BTRC: variants seen among roughly 807,000 people sequenced by gnomAD.
BTRC encodes F-box/WD repeat-containing protein 1A.
In BTRC, 42 loss-of-function variants were observed where a neutral mutation model predicts 85.5. The ratio of observed to expected loss-of-function variants is 0.49; its 90% CI spans 0.38 to 0.64. The LOEUF (loss-of-function observed/expected upper bound fraction) is 0.64. Ranked by LOEUF, BTRC falls within the 30% of genes least tolerant of loss-of-function variation. The pLI is 0.00. For missense variants in BTRC, 594 were observed against 743.5 expected, an observed-to-expected ratio of 0.80 and a Z score of 2.34; for synonymous variants, 255 against 263.3, an observed-to-expected ratio of 0.97 and a Z score of 0.30.
chr10:101,356,947 G>T (rs1287539791), intron 1 of BTRC, among the ~76,000 whole-genome samples: 1 of 151,930 alleles, frequency 6.6e-6, no homozygotes, highest in Non-Finnish European at 1.5e-5. Context: ...TGGCTAACAT[G>T]GTGAAACTCC....
chr10:101,501,157 C>T (rs1056099292), intron 4 of BTRC, among the ~76,000 whole-genome samples: 12 of 149,598 alleles, frequency 8.0e-5, no homozygotes, highest in Non-Finnish European at 1.8e-4. Flanking sequence ...CACTGCACTC[C>T]AGCCTGGGCA....
chr10:101,367,217 C>T (rs1046872593), intron 1 of BTRC, among the ~76,000 whole-genome samples: 1 of 148,252 alleles, frequency 6.7e-6, no homozygotes, highest in Admixed American at 7.0e-5. Flanking sequence ...ACTACATGCG[C>T]GCACCACCAC....
intron 2 of BTRC, among the ~76,000 whole-genome samples, chr10:101,440,423 T>C (rs1944649953): frequency 6.6e-6 from 1 of 152,174 alleles, no homozygotes; most frequent in South Asian, 2.1e-4. Context: ...AGAGTTTGTA[T>C]TGAAAGTTCC....
chr10:101,435,077 G>A (rs775774044), intron 2 of BTRC, among the ~76,000 whole-genome samples: 3 of 152,002 alleles, frequency 2.0e-5, no homozygotes, highest in Non-Finnish European at 4.4e-5. Flanking sequence ...GCAGAAACTG[G>A]ATTTGAATCT....
chr10:101,532,992 C>G lies in BTRC; in HGVS notation c.1019C>G (p.Thr340Arg). ...ACATTGGAATGCAAGCGAATTCTCA[C>G]AGGCCATACAGGTTCAGTCCTCTGT... is the stretch of plus-strand genomic sequence containing the variant. ...KNTLECKRIL[T>R]GHTGSVLCLQ... Residue 340 changes from threonine to arginine, a missense_variant, in exon 9 of 15, where the codon ACA becomes AGA. Thr to Arg is a moderately conservative substitution (Grantham distance 71). Transcript: ENST00000370187. 1 of 1,613,460 alleles carries G rather than the reference C, an allele frequency of 6.2e-7. No individual in the cohort carries two copies.
intron 4 of BTRC, among the ~76,000 whole-genome samples, chr10:101,509,657 A>T (rs1393887584): frequency 4.7e-5 from 7 of 149,210 alleles, no homozygotes; most frequent in Non-Finnish European, 1.0e-4. Context: ...GGCTCAAGTA[A>T]TCCTCCCACC....
chr10:101,470,997 G>T (rs974573040), intron 3 of BTRC, among the ~76,000 whole-genome samples: 1 of 152,102 alleles, frequency 6.6e-6, no homozygotes, highest in Admixed American at 6.6e-5. Context: ...AGTGCCTAAG[G>T]TACTGACCCA....
At chr10:101,406,357 T>C (rs1233946668) in intron 1 of BTRC, among the ~76,000 whole-genome samples, 2 of 151,532 alleles carry the variant, frequency 1.3e-5, no homozygotes, top group African/African-American at 4.8e-5. Context: ...TTTGTATTTT[T>C]AGTAGAGACG....
intron 3 of BTRC, among the ~76,000 whole-genome samples, chr10:101,477,259 C>A (rs773579568): frequency 1.7e-4 from 26 of 152,182 alleles, no homozygotes; most frequent in Middle Eastern, 3.4e-3. Flanking sequence ...CCTTCGCCCC[C>A]CAAAGTGCTG....
chr10:101,389,433 A>G (rs2133978592), intron 1 of BTRC, among the ~76,000 whole-genome samples: 1 of 152,032 alleles, frequency 6.6e-6, no homozygotes, highest in South Asian at 2.1e-4. Flanking sequence ...AGCCAGAGTG[A>G]TCTTTCAGAG....
chr10:101,470,383 A>G (rs1589511848), intron 3 of BTRC, among the ~76,000 whole-genome samples: 1 of 130,622 alleles, frequency 7.7e-6, no homozygotes, highest in Admixed American at 9.3e-5. Flanking sequence ...CCCAGGCTGG[A>G]GTGCAGTGAC....
chr10:101,384,569 G>A (rs1202971104), intron 1 of BTRC, among the ~76,000 whole-genome samples: 2 of 152,092 alleles, frequency 1.3e-5, no homozygotes, highest in Non-Finnish European at 2.9e-5. Context: ...GATACGAGTA[G>A]GAATCAGTCA....
At chr10:101,532,782 G>GTA (rs1589606744) in intron 8 of BTRC, among the ~76,000 whole-genome samples, 170 bp from the exon 9 acceptor site, 1 of 70,546 alleles carries the variant, frequency 1.4e-5, no homozygotes, top group East Asian at 7.7e-4. Flanking sequence ...GTGTGTGTGT[G>GTA]TGTGTGTGCG....
Position 101,430,330 on chromosome 10 carries a change from G to T in BTRC, c.49-15G>T. The T allele has an allele frequency of 6.3e-7, 1 of 1,595,894 alleles. No individual in the cohort carries two copies. Among genetic ancestry groups the T allele is most frequent in the Non-Finnish European group, 8.6e-7 (1 of 1,165,194 alleles). On this transcript the variant is annotated splice_polypyrimidine_tract_variant and intron_variant, in intron 1 of 14. Coordinates refer to ENST00000370187, the MANE Select transcript of BTRC (RefSeq NM_033637.4). Reference sequence around the variant, plus strand: ...TCTCATACTGTCCCATCTCATAGTTGTCCTCTCTCTGCAGTGCTCTATGCC... The same window carrying T: ...TCTCATACTGTCCCATCTCATAGTTTTCCTCTCTCTGCAGTGCTCTATGCC...
chr10:101,552,399 C>T (rs1589636931), intron 14 of BTRC, among the ~76,000 whole-genome samples: 1 of 145,470 alleles, frequency 6.9e-6, no homozygotes, highest in East Asian at 2.0e-4. Context: ...CACCATGTTG[C>T]CCAGGCTGGT....
chr10:101,513,204 C>G (rs1310855791), intron 4 of BTRC, among the ~76,000 whole-genome samples: 3 of 152,106 alleles, frequency 2.0e-5, no homozygotes, highest in Non-Finnish European at 2.9e-5. Context: ...TTAGATTTCT[C>G]TACAAACATA....
chr10:101,505,157 G>GTATATA (rs36139179), intron 4 of BTRC, among the ~76,000 whole-genome samples: 10,102 of 118,278 alleles, frequency 0.085, 598 homozygotes, highest in Non-Finnish European at 0.12. Context: ...ATATGTATAT[G>GTATATA]TATATATATA....
chr10:101,379,531 G>A (rs1045271469), intron 1 of BTRC, among the ~76,000 whole-genome samples: 5 of 152,024 alleles, frequency 3.3e-5, no homozygotes, highest in Admixed American at 6.5e-5. Flanking sequence ...ATTTAAATAT[G>A]TTATAAATTA....
At chr10:101,486,322 G>T (rs1945985715) in intron 4 of BTRC, among the ~76,000 whole-genome samples, 1 of 152,132 alleles carries the variant, frequency 6.6e-6, no homozygotes, top group African/African-American at 2.4e-5. Flanking sequence ...CGAATGGTGG[G>T]GGCTGGAGCA....
Sources: gnomAD v4.1 joint callset for allele counts (sites outside exome capture counted in the v4.1 genomes callset) on GRCh38, gnomAD v4.1.1 for gene constraint, MANE v1.5 for transcripts, NCBI Gene and HGNC (gene_info 2026-07-23, HGNC 2026-07-21) for gene names.